SGK1: variants seen among roughly 807,000 people sequenced by gnomAD.
SGK1 encodes the protein serum/glucocorticoid regulated kinase 1, also known as serine/threonine-protein kinase Sgk1.
A neutral mutation model predicts 64.2 loss-of-function variants in SGK1; 26 were observed. The ratio of observed to expected loss-of-function variants is 0.40; its 90% CI spans 0.30 to 0.56. The LOEUF is 0.56. Among genes scored for constraint, SGK1 ranks in the 20% least tolerant of loss-of-function variants. SGK1 has a pLI of 0.38. For missense variants in SGK1, 519 were observed against 645.6 expected (o/e 0.80, Z 2.12); for synonymous variants, 265 against 239.7 (o/e 1.11, Z -0.98).
chr6:134,252,016 C>T (rs898027733), intron 2 of SGK1, among the ~76,000 whole-genome samples: 1 of 152,172 alleles, frequency 6.6e-6, no homozygotes. Context: ...CTCTGTCTCC[C>T]AAAGTGTTGC....
At chr6:134,170,698 G>C in intron 13 of SGK1, 128 bp downstream of exon 13, 2 of 756,002 alleles carry the variant, frequency 2.6e-6, no homozygotes, top group Non-Finnish European at 4.4e-6. Flanking sequence ...TTTTTATGTA[G>C]GTAAAATAAC....
intron 1 of SGK1, among the ~76,000 whole-genome samples, chr6:134,316,697 T>C (rs1436419846): frequency 9.4e-6 from 1 of 106,830 alleles, no homozygotes; most frequent in South Asian, 3.3e-4. Context: ...TACAGCAACA[T>C]AACCCTGAAT....
intron 2 of SGK1, among the ~76,000 whole-genome samples, chr6:134,226,941 G>T (rs1050103307): frequency 6.6e-6 from 1 of 152,026 alleles, no homozygotes; most frequent in Non-Finnish European, 1.5e-5. Flanking sequence ...TCACACTTTG[G>T]CCTCCCAGAA....
In SGK1 at chr6:134,243,607, G is replaced by A. The variant is rs1776480839; in HGVS notation, c.285+18326C>T. 2.0e-5 allele frequency among the ~76,000 whole-genome samples: 3 copies of A among 152,160 alleles called. No individual in the cohort carries two copies. The South Asian group carries it at 6.2e-4, about 32-fold the overall frequency. On this transcript the variant is annotated intron_variant, in intron 2 of 13. Coordinates refer to ENST00000367858, the MANE Select transcript of SGK1 (RefSeq NM_001143676.3). Reference sequence around the variant, plus strand: ...TGGTCTCGAACTCCTGGCCTCAGGTGATCTGCTTGCCTTGGCCTCCGAAAG... The same window carrying A: ...TGGTCTCGAACTCCTGGCCTCAGGTAATCTGCTTGCCTTGGCCTCCGAAAG...
chr6:134,241,894 A>C (rs1035948498), intron 2 of SGK1, among the ~76,000 whole-genome samples: 1 of 151,778 alleles, frequency 6.6e-6, no homozygotes, highest in Admixed American at 6.6e-5. Flanking sequence ...TGCTGGGATT[A>C]CAGGCATGAG....
At chr6:134,224,229 G>A (rs758440433) in intron 2 of SGK1, among the ~76,000 whole-genome samples, 1 of 152,222 alleles carries the variant, frequency 6.6e-6, no homozygotes. Flanking sequence ...ATTTAGGCAA[G>A]TTAATCATAC....
chr6:134,244,970 T>C (rs1776504592), intron 2 of SGK1, among the ~76,000 whole-genome samples: 1 of 152,234 alleles, frequency 6.6e-6, no homozygotes, highest in African/African-American at 2.4e-5. Context: ...GAGACGGGGT[T>C]TCGCCATGTT....
rs199997341 is a variant in SGK1 at position 134,317,392 on chromosome 6, C to G, written c.69G>C (p.Arg23=). The G allele has an allele frequency of 1.9e-6, 3 of 1,586,234 alleles. No homozygotes were observed. Among genetic ancestry groups the G allele is most frequent in the African/African-American group, 1.3e-5 (1 of 74,502 alleles). The stretch of plus-strand genomic sequence containing the variant: ...AGAAATAAGCAAAACCTGTCCTTAC[C>G]CGCTTCTTAAAAAATTGGAAGGCTG... ...KCSAFQFFKK[R]VRRWIKSPMV... Residue 23 remains arginine, a splice_region_variant and synonymous_variant, in exon 1 of 14, where the codon CGG becomes CGC. Transcript: ENST00000367858.
At chr6:134,241,421 T>G (rs1020506130) in intron 2 of SGK1, among the ~76,000 whole-genome samples, 2 of 151,790 alleles carry the variant, frequency 1.3e-5, no homozygotes, top group Admixed American at 1.3e-4. Context: ...ACTCTAGGCC[T>G]CAGGTGATCC....
At chr6:134,254,087 GTC>G (rs1021755803) in intron 2 of SGK1, among the ~76,000 whole-genome samples, 1 of 141,844 alleles carries the variant, frequency 7.1e-6, no homozygotes, top group African/African-American at 2.6e-5. Context: ...TTCTGTCCTA[GTC>G]TCTCCTTTTC....
Position 134,171,092 on chromosome 6 carries a change from G to A in SGK1, c.1254C>T (p.Ser418=), listed in dbSNP as rs140184576. The part of the protein sequence containing the change: ...PLQLKPNITN[S]ARHLLEGLLQ... ...GGAGGCCCTCCAGGAGGTGTCTTGC[G>A]GAATTTGTAATATTTGGTTTCAGCT... Residue 418 remains serine (S), a synonymous_variant, in exon 12 of 14, where the codon TCC becomes TCT. Coordinates refer to ENST00000367858, the MANE Select transcript of SGK1 (RefSeq NM_001143676.3). 30 of 1,613,966 alleles carry A rather than the reference G, an allele frequency of 1.9e-5. No homozygotes were observed. The highest frequency in any genetic ancestry group is 1.6e-4 in the Middle Eastern group (1 of 6,084).
chr6:134,314,357 G>A (rs191485814), intron 1 of SGK1, among the ~76,000 whole-genome samples: 4 of 151,676 alleles, frequency 2.6e-5, no homozygotes, highest in African/African-American at 9.7e-5. Flanking sequence ...GGGGAGGGGG[G>A]TAGGGGGACA....
In SGK1 at chr6:134,269,573, C is replaced by A. The variant is rs759945994; in HGVS notation, c.70-7425G>T. Reference sequence around the variant, plus strand: ...CTAGGGAGGCTGAGGCAGGAGAATCCCTTGAACCCAGGAGCCGGAGGTGGC... The same window carrying A: ...CTAGGGAGGCTGAGGCAGGAGAATCACTTGAACCCAGGAGCCGGAGGTGGC... On this transcript the variant is annotated intron_variant, in intron 1 of 13. Coordinates refer to ENST00000367858, the MANE Select transcript of SGK1 (RefSeq NM_001143676.3). 6.2e-5 allele frequency among the ~76,000 whole-genome samples: 9 copies of A among 145,792 alleles called. 1 individual carries two copies. Among genetic ancestry groups the A allele is most frequent in the Non-Finnish European group, 1.1e-4 (7 of 65,920 alleles).
At chr6:134,304,990 A>AG (rs1777513089) in intron 1 of SGK1, among the ~76,000 whole-genome samples, 3 of 152,226 alleles carry the variant, frequency 2.0e-5, no homozygotes, top group Non-Finnish European at 4.4e-5. Context: ...CTACTAAATT[A>AG]TTAAGAGCAC....
Position 134,317,571 on chromosome 6 carries a change from G to A in SGK1, c.-111C>T. 1.3e-6 allele frequency: 1 copy of A among 763,702 alleles called. No homozygotes were observed. The highest frequency in any genetic ancestry group is 1.7e-5 in the African/African-American group (1 of 58,580). The allele number at this position is 763,702 out of a possible 1,614,324, so 47.3% of individuals were successfully genotyped here. A position where few individuals can be genotyped will look rare whatever the true frequency, so the allele number is the denominator to read the frequency against. On this transcript the variant is annotated 5_prime_UTR_variant, in exon 1 of 14. Coordinates refer to ENST00000367858, the MANE Select transcript of SGK1 (RefSeq NM_001143676.3). ...CAGACAGTTAATGAAGACTGAGCGG[G>A]ATGGAGAATCTAGCGGGGCTCAGTT... is the stretch of plus-strand genomic sequence containing the variant.
At chr6:134,247,975 C>A (rs955939898) in intron 2 of SGK1, among the ~76,000 whole-genome samples, 1 of 151,836 alleles carries the variant, frequency 6.6e-6, no homozygotes, top group Non-Finnish European at 1.5e-5. Flanking sequence ...TGAAATAAAG[C>A]CTATGACTTC....
chr6:134,228,847 T>TTTTTC (rs1776230144), intron 2 of SGK1, among the ~76,000 whole-genome samples: 1 of 117,652 alleles, frequency 8.5e-6, no homozygotes, highest in African/African-American at 3.6e-5. Context: ...TGTTCTTTTT[T>TTTTTC]TTTTTTTTTT....
chr6:134,280,158 G>A (rs547806836), intron 1 of SGK1, among the ~76,000 whole-genome samples: 30 of 147,192 alleles, frequency 2.0e-4, no homozygotes, highest in Non-Finnish European at 4.0e-4. Flanking sequence ...TCATGCCATT[G>A]CACTCCAGCC....
At chr6:134,268,720 C>T (rs1360212727) in intron 1 of SGK1, among the ~76,000 whole-genome samples, 7 of 87,914 alleles carry the variant, frequency 8.0e-5, no homozygotes, top group African/African-American at 3.1e-4. Flanking sequence ...GAGACTCTGT[C>T]TCAAAAAAAA....
Sources: gnomAD v4.1 joint callset for allele counts (sites outside exome capture counted in the v4.1 genomes callset) on GRCh38, gnomAD v4.1.1 for gene constraint, MANE v1.5 for transcripts, NCBI Gene and HGNC (gene_info 2026-07-23, HGNC 2026-07-21) for gene names.